Variants in NPHP1 observed in about 807,000 individuals in gnomAD.
NPHP1 encodes nephrocystin-1.
Under a neutral mutation model 90.4 loss-of-function variants are expected in NPHP1, and 70 were observed. That is an observed-to-expected ratio of 0.77 (90% confidence interval 0.64 to 0.95). The LOEUF is 0.95. Among genes scored for constraint, NPHP1 ranks in the 40% least tolerant of loss-of-function variants. NPHP1 has a pLI of 0.00. For synonymous variants in NPHP1, 256 were observed against 271.7 expected, an observed-to-expected ratio of 0.94 and a Z score of 0.57; for missense variants, 764 against 795.9, an observed-to-expected ratio of 0.96 and a Z score of 0.48.
chr2:110,197,873 A>G (rs1428169521), intron 2 of NPHP1, among the ~76,000 whole-genome samples: 1 of 152,186 alleles, frequency 6.6e-6, no homozygotes. Context: ...GTGGAAAACT[A>G]TTTTAATATA....
chr2:110,195,272 C>T lies in NPHP1; in HGVS notation c.143+6149G>A, dbSNP rs1358383071. Among the ~76,000 whole-genome samples the T allele has an allele frequency of 1.0e-3, 159 of 152,244 alleles. 1 individual carries two copies. The highest frequency in any genetic ancestry group is 2.5e-4 in the Non-Finnish European group (17 of 68,024). On this transcript the variant is annotated intron_variant, in intron 2 of 19. Transcript: ENST00000445609. ...ATCTAGAAAACCCCATCGTCTCAGC[C>T]TATAATCTCCTTAAGCTGATAGGCA... is the stretch of plus-strand genomic sequence containing the variant.
intron 11 of NPHP1, among the ~76,000 whole-genome samples, chr2:110,155,143 C>G (rs1397949495): frequency 3.3e-5 from 5 of 152,146 alleles, no homozygotes; most frequent in South Asian, 2.1e-4. Flanking sequence ...TAAGCTCAGG[C>G]TGTGGCTTCA....
chr2:110,179,959 T>C (rs1222649346), intron 2 of NPHP1, among the ~76,000 whole-genome samples: 1 of 152,142 alleles, frequency 6.6e-6, no homozygotes, highest in East Asian at 1.9e-4. Context: ...AACGCTGGAC[T>C]TTAAAATGCT....
chr2:110,189,944 C>T (rs1276808107), intron 2 of NPHP1, among the ~76,000 whole-genome samples: 1 of 152,022 alleles, frequency 6.6e-6, no homozygotes, highest in Non-Finnish European at 1.5e-5. Context: ...GGTGTGTTTA[C>T]AATCCCTGAG....
At chr2:110,190,391 A>T (rs1331822230) in intron 2 of NPHP1, among the ~76,000 whole-genome samples, 5 of 152,180 alleles carry the variant, frequency 3.3e-5, no homozygotes, top group Non-Finnish European at 7.4e-5. Flanking sequence ...GAAGGCAGCT[A>T]AGGCCGGGTG....
chr2:110,141,084 C>T (rs1680593715), intron 16 of NPHP1, among the ~76,000 whole-genome samples: 1 of 152,158 alleles, frequency 6.6e-6, no homozygotes, highest in African/African-American at 2.4e-5. Context: ...CTCTTCCTTC[C>T]CCCTCTTGGC....
intron 15 of NPHP1, 117 bp from the exon 16 acceptor site, chr2:110,143,758 C>A: frequency 1.3e-6 from 1 of 749,658 alleles, no homozygotes; most frequent in South Asian, 1.5e-5. Context: ...GAATGAAAGG[C>A]AAGAGTCATC....
At chr2:110,203,288 G>A (rs1394389634) in intron 1 of NPHP1, among the ~76,000 whole-genome samples, 1 of 152,044 alleles carries the variant, frequency 6.6e-6, no homozygotes, top group Admixed American at 6.6e-5. Flanking sequence ...AATGAAGACT[G>A]AAAGACTGCC....
intron 2 of NPHP1, chr2:110,184,559 G>A: frequency 3.0e-6 from 4 of 1,317,798 alleles, no homozygotes; most frequent in Non-Finnish European, 4.3e-6. Context: ...CCCATGCTGT[G>A]CCCATCTATC....
intron 4 of NPHP1, 146 bp downstream of exon 4, chr2:110,178,276 AT>A: frequency 1.2e-6 from 1 of 800,720 alleles, no homozygotes; most frequent in Non-Finnish European, 2.0e-6. Context: ...AACACCTTCT[AT>A]TATACACAAT....
chr2:110,187,023 G>A (rs1684328001), intron 2 of NPHP1, among the ~76,000 whole-genome samples: 1 of 152,132 alleles, frequency 6.6e-6, no homozygotes, highest in Non-Finnish European at 1.5e-5. Context: ...AGCTAAAGCA[G>A]TGTTCAGAGG....
intron 11 of NPHP1, among the ~76,000 whole-genome samples, chr2:110,154,009 ACACAGGAAGTGATAGGTTT>A (rs1274170556): frequency 1.3e-5 from 2 of 151,376 alleles, no homozygotes; most frequent in Non-Finnish European, 2.9e-5. Flanking sequence ...CTCAAGTGAC[ACACAGGAAGTGATAGGTTT>A]CACTGTATCC....
intron 11 of NPHP1, among the ~76,000 whole-genome samples, chr2:110,156,376 A>G (rs1285173494): frequency 6.6e-6 from 1 of 152,112 alleles, no homozygotes; most frequent in Non-Finnish European, 1.5e-5. Flanking sequence ...ACCTTCTGCC[A>G]TGATTGTGAG....
chr2:110,156,933 C>A (rs968728519), intron 11 of NPHP1, among the ~76,000 whole-genome samples: 1 of 152,016 alleles, frequency 6.6e-6, no homozygotes, highest in Non-Finnish European at 1.5e-5. Flanking sequence ...CACGCCACCA[C>A]GTCCAGCTAA....
intron 16 of NPHP1, among the ~76,000 whole-genome samples, chr2:110,143,127 C>T (rs1212051918): frequency 6.6e-6 from 1 of 152,118 alleles, no homozygotes; most frequent in African/African-American, 2.4e-5. Flanking sequence ...AGGGAAAGTT[C>T]TCTATCTTGA....
At chr2:110,151,841 G>GTCCTTTGCTATAATCAAAATTGAAATCC (rs1681492571) in intron 11 of NPHP1, among the ~76,000 whole-genome samples, 1 of 152,104 alleles carries the variant, frequency 6.6e-6, no homozygotes, top group African/African-American at 2.4e-5. Flanking sequence ...TGGCCAAGAA[G>GTCCTTTGCTATAATCAAAATTGAAATCC]TCCTTTGCTA....
At chr2:110,168,597 A>G (rs1025466777) in intron 5 of NPHP1, 44 bp from the exon 6 acceptor site, 1 of 1,276,436 alleles carries the variant, frequency 7.8e-7, no homozygotes, top group Non-Finnish European at 1.1e-6. Context: ...AAATTCAATA[A>G]TCATGAGTAT....
intron 6 of NPHP1, among the ~76,000 whole-genome samples, chr2:110,166,106 T>C (rs1315138398): frequency 6.6e-6 from 1 of 152,230 alleles, no homozygotes; most frequent in East Asian, 1.9e-4. Flanking sequence ...CAGCCATCAC[T>C]GGCAATTGTG....
chr2:110,146,847 G>A lies in NPHP1; in HGVS notation c.1270-12C>T, dbSNP rs772635725. ...CTTTCACCAGTTGACTAGGAAATAA[G>A]ACAAGTATATGAAACTTAAGGTCTG... On this transcript the variant is annotated splice_polypyrimidine_tract_variant and intron_variant, in intron 13 of 19. Transcript: ENST00000445609. The A allele has an allele frequency of 5.6e-6, 9 of 1,600,942 alleles. No individual in the cohort carries two copies. In the Admixed American group the frequency reaches 1.0e-4, roughly 18 times the overall value.
Sources: gnomAD v4.1 joint callset for allele counts (sites outside exome capture counted in the v4.1 genomes callset) on GRCh38, gnomAD v4.1.1 for gene constraint, MANE v1.5 for transcripts, NCBI Gene and HGNC (gene_info 2026-07-23, HGNC 2026-07-21) for gene names.